Variants in GPC5 observed in about 807,000 individuals in gnomAD.
The protein encoded by GPC5 is glypican 5.
In GPC5, 47 loss-of-function variants were observed where a neutral mutation model predicts 53.9. The observed-to-expected ratio is 0.87, with a 90% CI of 0.69 to 1.11. The LOEUF (loss-of-function observed/expected upper bound fraction) is 1.11, where lower values mean the gene tolerates loss of function less well. GPC5 is among the 50% of genes most tolerant of loss of function. The probability of loss-of-function intolerance (pLI) is 0.00; values close to 1 mark genes in which losing one functional copy is unlikely to be tolerated. For missense variants in GPC5, 748 were observed against 713.1 expected, an observed-to-expected ratio of 1.05 and a Z score of -0.56; for synonymous variants, 286 against 263.3, an observed-to-expected ratio of 1.09 and a Z score of -0.84.
rs182629940 is a variant in GPC5, at chr13:92,621,660, A to C, written c.1562-244622A>C. 8.0e-4 allele frequency among the ~76,000 whole-genome samples: 122 copies of C among 152,120 alleles called. 3 individuals are homozygous for C. Among genetic ancestry groups the C allele is most frequent in the Admixed American group, 7.2e-3 (110 of 15,278 alleles). On this transcript the variant is annotated intron_variant, in intron 7 of 7. Coordinates refer to ENST00000377067, the MANE Select transcript of GPC5 (RefSeq NM_004466.6). Reference sequence around the variant, plus strand: ...CATGGTGGAACCCCTGTCTCTACTAAAATTCCCAAATTAGTTGGGTGTGGT... The same window carrying C: ...CATGGTGGAACCCCTGTCTCTACTACAATTCCCAAATTAGTTGGGTGTGGT...
At chr13:91,944,899 G>A (rs1421382114) in intron 6 of GPC5, among the ~76,000 whole-genome samples, 3 of 151,974 alleles carry the variant, frequency 2.0e-5, no homozygotes, top group South Asian at 2.1e-4. Flanking sequence ...CCATTTTCTG[G>A]TGTTAACTTT....
chr13:91,967,630 A>C (rs576548891), intron 6 of GPC5, among the ~76,000 whole-genome samples: 1 of 152,180 alleles, frequency 6.6e-6, no homozygotes, highest in African/African-American at 2.4e-5. Flanking sequence ...GCTTTTAAAT[A>C]CATCATTTCC....
intron 6 of GPC5, among the ~76,000 whole-genome samples, chr13:91,989,485 G>T (rs1332188438): frequency 6.6e-6 from 1 of 152,114 alleles, no homozygotes; most frequent in Non-Finnish European, 1.5e-5. Context: ...CTTTAAAACT[G>T]TATAACCACA....
chr13:92,830,060 G>C (rs1877999380), intron 7 of GPC5, among the ~76,000 whole-genome samples: 1 of 152,050 alleles, frequency 6.6e-6, no homozygotes, highest in Non-Finnish European at 1.5e-5. Context: ...TTCAAACTGA[G>C]ACTTTCATGA....
At chr13:91,422,819 C>G (rs753494377) in intron 1 of GPC5, among the ~76,000 whole-genome samples, 26 of 152,082 alleles carry the variant, frequency 1.7e-4, no homozygotes, top group Non-Finnish European at 3.1e-4. Flanking sequence ...AACAGACCTA[C>G]TCTCATGATA....
chr13:92,192,864 A>G (rs973113787), intron 7 of GPC5, among the ~76,000 whole-genome samples: 1 of 152,164 alleles, frequency 6.6e-6, no homozygotes. Flanking sequence ...TTTGAAAAAA[A>G]TTTACTGAGA....
chr13:91,469,271 G>C (rs772399939), intron 2 of GPC5, among the ~76,000 whole-genome samples: 1 of 152,002 alleles, frequency 6.6e-6, no homozygotes, highest in Non-Finnish European at 1.5e-5. Flanking sequence ...ACCATGTCCA[G>C]CTCATTTTTG....
chr13:92,377,658 G>A (rs2043706056), intron 7 of GPC5, among the ~76,000 whole-genome samples: 1 of 152,022 alleles, frequency 6.6e-6, no homozygotes, highest in Non-Finnish European at 1.5e-5. Flanking sequence ...ATTTTCTACA[G>A]CCATATATCA....
At chr13:92,031,037 C>A (rs1007661172) in intron 6 of GPC5, among the ~76,000 whole-genome samples, 18 of 152,096 alleles carry the variant, frequency 1.2e-4, no homozygotes, top group African/African-American at 4.3e-4. Flanking sequence ...TTTGGTCCCT[C>A]TTTGTGATCC....
intron 2 of GPC5, among the ~76,000 whole-genome samples, chr13:91,574,399 G>C (rs542561581): frequency 6.6e-6 from 1 of 152,234 alleles, no homozygotes; most frequent in South Asian, 2.1e-4. Context: ...CTTCAAGCAA[G>C]TACAAGTATC....
At position 92,004,489 on chromosome 13, in the gene GPC5, T is replaced by TATATATATATATATATATATAA. The variant is rs1440395882; in HGVS notation, c.1401+96433_1401+96434insTATATATATATATATATATAAA. ...ATATATATATATATATATATATATA[T>TATATATATATATATATATATAA]AATTACACTATAGCTTTTCATGCAA... On this transcript the variant is annotated intron_variant, in intron 6 of 7. Coordinates refer to ENST00000377067, the MANE Select transcript of GPC5 (RefSeq NM_004466.6). Among the ~76,000 whole-genome samples, 152 of 122,674 alleles carry TATATATATATATATATATATAA rather than the reference T, an allele frequency of 1.2e-3. 5 individuals carry two copies. Among genetic ancestry groups the TATATATATATATATATATATAA allele is most frequent in the African/African-American group, 5.0e-3 (143 of 28,778 alleles). 80.5% of individuals were successfully genotyped at this position (122,674 alleles called of 152,430 possible). A position where few individuals can be genotyped will look rare whatever the true frequency, so the allele number is the denominator to read the frequency against.
chr13:91,399,400 CCCCTAA>C (rs1876751393), intron 1 of GPC5, among the ~76,000 whole-genome samples, 191 bp downstream of exon 1: 1 of 152,158 alleles, frequency 6.6e-6, no homozygotes, highest in Non-Finnish European at 1.5e-5. Context: ...GCTCTGGGGA[CCCCTAA>C]CCAAGCCTGC....
intron 6 of GPC5, among the ~76,000 whole-genome samples, chr13:92,096,373 T>C (rs2041422356): frequency 6.6e-6 from 1 of 152,234 alleles, no homozygotes; most frequent in Non-Finnish European, 1.5e-5. Flanking sequence ...GTAACTCTTA[T>C]TCAACATGTC....
chr13:92,851,819 C>T (rs1287321488), intron 7 of GPC5, among the ~76,000 whole-genome samples: 1 of 143,120 alleles, frequency 7.0e-6, no homozygotes, highest in Non-Finnish European at 1.5e-5. Flanking sequence ...AACCGGAAGG[C>T]AGAGCTTGCA....
At chr13:91,534,277 A>G (rs892617501) in intron 2 of GPC5, among the ~76,000 whole-genome samples, 1 of 152,050 alleles carries the variant, frequency 6.6e-6, no homozygotes, top group Non-Finnish European at 1.5e-5. Flanking sequence ...CCATATGTAC[A>G]TATATATATA....
chr13:92,136,629 G>A (rs932007995), intron 6 of GPC5, among the ~76,000 whole-genome samples: 21 of 152,224 alleles, frequency 1.4e-4, no homozygotes, highest in African/African-American at 4.3e-4. Flanking sequence ...GTAAATGATC[G>A]TAAGAGGAAG....
intron 7 of GPC5, among the ~76,000 whole-genome samples, chr13:92,301,859 C>G (rs2043077844): frequency 1.3e-5 from 2 of 152,096 alleles, no homozygotes; most frequent in Admixed American, 1.3e-4. Flanking sequence ...GATCGTGCCA[C>G]TGCACTCCAG....
chr13:92,158,005 A>G (rs373505286), intron 7 of GPC5, among the ~76,000 whole-genome samples: 1 of 152,240 alleles, frequency 6.6e-6, no homozygotes, highest in East Asian at 1.9e-4. Flanking sequence ...AATAAAGAAT[A>G]CATAAATAGT....
chr13:91,516,418 TC>T (rs1211056818), intron 2 of GPC5, among the ~76,000 whole-genome samples: 4 of 152,054 alleles, frequency 2.6e-5, no homozygotes, highest in Non-Finnish European at 5.9e-5. Flanking sequence ...ATTTTAAAGC[TC>T]CAAAATGACC....
Sources: allele counts gnomAD v4.1 joint callset (sites outside exome capture counted in the v4.1 genomes callset), GRCh38; gene constraint gnomAD v4.1.1; transcripts MANE v1.5; gene names NCBI Gene and HGNC (gene_info 2026-07-23, HGNC 2026-07-21).